Variants in SLC22A15 observed in about 807,000 individuals in gnomAD.
The protein encoded by SLC22A15 is flipt 1.
In SLC22A15, 45 loss-of-function variants were observed where a neutral mutation model predicts 62.7. The ratio of observed to expected loss-of-function variants is 0.72; its 90% CI spans 0.56 to 0.92. The LOEUF (loss-of-function observed/expected upper bound fraction) is 0.92. Among genes scored for constraint, SLC22A15 ranks in the 40% least tolerant of loss-of-function variants. The probability of loss-of-function intolerance (pLI) is 0.00; values close to 1 mark genes in which losing one functional copy is unlikely to be tolerated. For missense variants in SLC22A15, 622 were observed against 665.6 expected, an observed-to-expected ratio of 0.93 and a Z score of 0.72; for synonymous variants, 264 against 267.0, an observed-to-expected ratio of 0.99 and a Z score of 0.11.
intron 8 of SLC22A15, among the ~76,000 whole-genome samples, chr1:116,041,525 A>G (rs548933218): frequency 2.0e-5 from 3 of 152,322 alleles, no homozygotes; most frequent in Admixed American, 1.3e-4. Flanking sequence ...AGGACAGGCA[A>G]TGATCCCTGA....
At chr1:116,001,091 A>G (rs2488450) in intron 2 of SLC22A15, among the ~76,000 whole-genome samples, 23,836 of 152,096 alleles carry the variant, frequency 0.16, 3,605 homozygotes, top group African/African-American at 0.4. Context: ...GGATACTTTT[A>G]CTGGATATAC....
chr1:115,989,089 G>A (rs974185127), intron 1 of SLC22A15, among the ~76,000 whole-genome samples: 1 of 149,948 alleles, frequency 6.7e-6, no homozygotes, highest in Admixed American at 6.7e-5. Context: ...CTGTGGACCT[G>A]TGTGTTCTGT....
chr1:116,045,442 A>G (rs564308684), intron 8 of SLC22A15, among the ~76,000 whole-genome samples: 1 of 152,146 alleles, frequency 6.6e-6, no homozygotes, highest in African/African-American at 2.4e-5. Flanking sequence ...TTACCTGATT[A>G]TAAGACTTAC....
intron 8 of SLC22A15, among the ~76,000 whole-genome samples, chr1:116,052,424 C>G (rs1036358057): frequency 2.0e-5 from 3 of 152,264 alleles, no homozygotes; most frequent in Admixed American, 6.5e-5. Flanking sequence ...CCCACCACAG[C>G]TCAAGGAGGC....
rs1234409199 is a variant in SLC22A15 at position 115,988,799 on chromosome 1, C to G, written c.88-3232C>G. Among the ~76,000 whole-genome samples, 4 of 152,144 alleles carry G rather than the reference C, an allele frequency of 2.6e-5. No individual in the cohort carries two copies. In the East Asian group the frequency reaches 5.8e-4, roughly 22 times the overall value. On this transcript the variant is annotated intron_variant, in intron 1 of 11. Coordinates refer to ENST00000369503, the MANE Select transcript of SLC22A15 (RefSeq NM_018420.3). ...CCACCCACCTTGGCCTCCCAAAGTC[C>G]TGGGATTACAGGTGTGAGCCACTGC...
At chr1:116,051,626 G>C (rs1557906020) in intron 8 of SLC22A15, among the ~76,000 whole-genome samples, 1 of 152,034 alleles carries the variant, frequency 6.6e-6, no homozygotes, top group Non-Finnish European at 1.5e-5. Context: ...GATAACCTTG[G>C]AAAAACCCTT....
chr1:116,051,901 G>GA (rs1444193483), intron 8 of SLC22A15, among the ~76,000 whole-genome samples: 1 of 152,166 alleles, frequency 6.6e-6, no homozygotes, highest in Non-Finnish European at 1.5e-5. Context: ...TCAGCGGCAT[G>GA]AAAACAGACT....
At chr1:116,066,307 T>A (rs541850807) in intron 10 of SLC22A15, among the ~76,000 whole-genome samples, 21 of 152,320 alleles carry the variant, frequency 1.4e-4, no homozygotes, top group African/African-American at 3.6e-4. Context: ...GTCCTTTTAT[T>A]TACTCACTCC....
chr1:116,056,955 A>G (rs1658226350), intron 8 of SLC22A15, among the ~76,000 whole-genome samples: 1 of 152,102 alleles, frequency 6.6e-6, no homozygotes, highest in Non-Finnish European at 1.5e-5. Context: ...TAAAAACGCT[A>G]GAAGAAAACC....
intron 1 of SLC22A15, among the ~76,000 whole-genome samples, chr1:115,986,329 G>GA (rs1459655437): frequency 1.3e-5 from 2 of 152,096 alleles, no homozygotes; most frequent in East Asian, 3.9e-4. Context: ...TCTTTAGAGG[G>GA]AAATAGCAGT....
intron 2 of SLC22A15, among the ~76,000 whole-genome samples, chr1:115,992,547 C>A (rs1239267858): frequency 6.6e-6 from 1 of 151,688 alleles, no homozygotes; most frequent in Non-Finnish European, 1.5e-5. Flanking sequence ...TTTAATCTCT[C>A]TTTATTAAAT....
intron 5 of SLC22A15, among the ~76,000 whole-genome samples, chr1:116,030,653 G>A (rs564272273): frequency 1.4e-4 from 21 of 152,220 alleles, no homozygotes; most frequent in Admixed American, 6.5e-4. Flanking sequence ...GAAAATAACT[G>A]TTGTTTTGTA....
chr1:115,982,279 G>A (rs1171898563), intron 1 of SLC22A15, among the ~76,000 whole-genome samples: 1 of 152,172 alleles, frequency 6.6e-6, no homozygotes, highest in African/African-American at 2.4e-5. Flanking sequence ...ATGGCATATG[G>A]TGATTGTAGA....
intron 1 of SLC22A15, among the ~76,000 whole-genome samples, chr1:115,987,054 G>A (rs1654905159): frequency 6.6e-6 from 1 of 152,128 alleles, no homozygotes; most frequent in African/African-American, 2.4e-5. Flanking sequence ...ACCATGTGGT[G>A]GAGGATCTGG....
intron 4 of SLC22A15, among the ~76,000 whole-genome samples, chr1:116,024,201 G>A (rs1366627936): frequency 6.6e-6 from 1 of 152,194 alleles, no homozygotes; most frequent in Non-Finnish European, 1.5e-5. Flanking sequence ...CAGTGGAGAA[G>A]AAAGAGGATG....
At chr1:116,066,286 A>G (rs984470081) in intron 10 of SLC22A15, among the ~76,000 whole-genome samples, 2 of 152,198 alleles carry the variant, frequency 1.3e-5, no homozygotes, top group Non-Finnish European at 2.9e-5. Flanking sequence ...TCTAATGTAC[A>G]GACTAGTGCT....
At chr1:115,985,116 A>G (rs1654794036) in intron 1 of SLC22A15, among the ~76,000 whole-genome samples, 1 of 152,202 alleles carries the variant, frequency 6.6e-6, no homozygotes, top group Non-Finnish European at 1.5e-5. Flanking sequence ...CTCCTCATTC[A>G]GTGACTCACG....
intron 1 of SLC22A15, among the ~76,000 whole-genome samples, chr1:115,977,231 A>G (rs1654356778): frequency 6.6e-6 from 1 of 152,038 alleles, no homozygotes; most frequent in South Asian, 2.1e-4. Context: ...TTACTCTTCT[A>G]GGGGCTTTCA....
At chr1:116,034,119 TC>T (rs754957298) in intron 6 of SLC22A15, among the ~76,000 whole-genome samples, 2 of 152,178 alleles carry the variant, frequency 1.3e-5, no homozygotes, top group Non-Finnish European at 2.9e-5. Flanking sequence ...AATGAGAATG[TC>T]CCCTTAATAA....
Sources: gnomAD v4.1 joint callset for allele counts (sites outside exome capture counted in the v4.1 genomes callset) on GRCh38, gnomAD v4.1.1 for gene constraint, MANE v1.5 for transcripts, NCBI Gene and HGNC (gene_info 2026-07-23, HGNC 2026-07-21) for gene names.